Variants in CTNNA2 observed in about 807,000 individuals in gnomAD.
CTNNA2 encodes the protein catenin alpha-2.
A neutral mutation model predicts 101.0 loss-of-function variants in CTNNA2; 42 were observed. The ratio of observed to expected loss-of-function variants is 0.42; its 90% CI spans 0.32 to 0.54. The LOEUF is 0.54. Among genes scored for constraint, CTNNA2 ranks in the 20% least tolerant of loss-of-function variants. The pLI, the probability that CTNNA2 is intolerant of heterozygous loss-of-function variation, is 0.14. For missense variants in CTNNA2, 871 were observed against 1,223.1 expected, an observed-to-expected ratio of 0.71 and a Z score of 4.29; for synonymous variants, 450 against 456.4, an observed-to-expected ratio of 0.99 and a Z score of 0.18.
At chr2:79,590,934 C>G (rs1047064635) in intron 1 of CTNNA2, among the ~76,000 whole-genome samples, 1 of 151,992 alleles carries the variant, frequency 6.6e-6, no homozygotes, top group Non-Finnish European at 1.5e-5. Flanking sequence ...TCAGTTTTAC[C>G]ATTTTGTTTT....
intron 1 of CTNNA2, among the ~76,000 whole-genome samples, chr2:79,579,828 G>A (rs1218522887): frequency 6.6e-6 from 1 of 152,056 alleles, no homozygotes; most frequent in African/African-American, 2.4e-5. Flanking sequence ...TGGTCAGGCT[G>A]GTCTTAAACT....
intron 4 of CTNNA2, among the ~76,000 whole-genome samples, chr2:79,437,110 T>G (rs1678724778): frequency 6.6e-6 from 1 of 151,914 alleles, no homozygotes; most frequent in South Asian, 2.1e-4. Flanking sequence ...GGTGTGTGCC[T>G]GTAATCCCAG....
At chr2:79,644,832 T>G (rs77078623) in intron 1 of CTNNA2, among the ~76,000 whole-genome samples, 1 of 152,172 alleles carries the variant, frequency 6.6e-6, no homozygotes, top group East Asian at 1.9e-4. Flanking sequence ...CCTCTTTTTT[T>G]CATTTGTGTC....
intron 1 of CTNNA2, among the ~76,000 whole-genome samples, chr2:79,630,476 C>A (rs183962572): frequency 1.3e-5 from 2 of 151,934 alleles, no homozygotes; most frequent in African/African-American, 4.8e-5. Context: ...ATCTGATTTA[C>A]GTAAAAGAGA....
At chr2:79,923,834 A>G (rs1471556161) in intron 7 of CTNNA2, among the ~76,000 whole-genome samples, 1 of 152,048 alleles carries the variant, frequency 6.6e-6, no homozygotes, top group African/African-American at 2.4e-5. Context: ...TAAAATTGAG[A>G]TTGTATAGTA....
At chr2:79,537,894 T>C (rs1673169639) in intron 1 of CTNNA2, among the ~76,000 whole-genome samples, 1 of 152,136 alleles carries the variant, frequency 6.6e-6, no homozygotes, top group Admixed American at 6.5e-5. Context: ...TTTATAATTT[T>C]ATACCCCAAG....
At chr2:79,996,517 A>G (rs1692556728) in intron 7 of CTNNA2, among the ~76,000 whole-genome samples, 1 of 152,198 alleles carries the variant, frequency 6.6e-6, no homozygotes, top group Admixed American at 6.5e-5. Context: ...GAAATGTCAA[A>G]TCAAATGGAC....
At chr2:80,578,146 A>T (rs1326208782) in intron 13 of CTNNA2, among the ~76,000 whole-genome samples, 2 of 152,176 alleles carry the variant, frequency 1.3e-5, no homozygotes, top group African/African-American at 2.4e-5. Context: ...AATGGGCACA[A>T]GTTAATCTCA....
intron 9 of CTNNA2, among the ~76,000 whole-genome samples, chr2:80,459,083 TTTA>T (rs1422356515): frequency 6.6e-6 from 1 of 152,122 alleles, no homozygotes; most frequent in Non-Finnish European, 1.5e-5. Context: ...GCTTTACAGG[TTTA>T]TAACCTAGGA....
chr2:80,342,463 G>A (rs181804027), intron 7 of CTNNA2, among the ~76,000 whole-genome samples: 6 of 152,172 alleles, frequency 3.9e-5, no homozygotes, highest in Non-Finnish European at 7.3e-5. Flanking sequence ...TGACAGTGTC[G>A]TCAGATTGGC....
At chr2:79,290,734 C>A (rs191404609) in intron 2 of CTNNA2, among the ~76,000 whole-genome samples, 1 of 152,262 alleles carries the variant, frequency 6.6e-6, no homozygotes, top group East Asian at 1.9e-4. Context: ...AAACCATCTT[C>A]CCACTCCATC....
rs189838401 is a variant in CTNNA2 at position 79,901,231 on chromosome 2, T to C, written c.853-8363T>C. Among the ~76,000 whole-genome samples, 467 of 151,904 alleles carry C rather than the reference T, an allele frequency of 3.1e-3. 2 individuals are homozygous for C. Among genetic ancestry groups the C allele is most frequent in the African/African-American group, 0.011 (438 of 41,486 alleles). The stretch of plus-strand genomic sequence containing the variant: ...CTTTCAGTTTTTTTTTTTTTTAAGA[T>C]TTAAAAGATAAAAGTGAATGACTGC... On this transcript the variant is annotated intron_variant, in intron 6 of 18. Transcript: ENST00000402739.
At chr2:80,221,910 G>T (rs1708598574) in intron 7 of CTNNA2, among the ~76,000 whole-genome samples, 1 of 152,164 alleles carries the variant, frequency 6.6e-6, no homozygotes, top group African/African-American at 2.4e-5. Flanking sequence ...GCCTCCAGTT[G>T]TATGGCTTTA....
intron 6 of CTNNA2, among the ~76,000 whole-genome samples, chr2:79,896,000 A>C (rs1684689319): frequency 1.3e-5 from 2 of 152,244 alleles, no homozygotes; most frequent in Admixed American, 6.5e-5. Flanking sequence ...AAGTAGAATT[A>C]GGCTGAGTGT....
At chr2:80,515,938 G>A (rs1042945178) in intron 9 of CTNNA2, among the ~76,000 whole-genome samples, 1 of 152,172 alleles carries the variant, frequency 6.6e-6, no homozygotes, top group Non-Finnish European at 1.5e-5. Flanking sequence ...AGTTTTGATG[G>A]TTTTTGCTAA....
At chr2:80,532,364 A>G (rs552379622) in intron 9 of CTNNA2, among the ~76,000 whole-genome samples, 2 of 152,184 alleles carry the variant, frequency 1.3e-5, no homozygotes, top group South Asian at 4.2e-4. Context: ...CTGAATGTCA[A>G]TCCTCCTTTG....
chr2:79,456,940 G>T (rs931593087), intron 4 of CTNNA2, among the ~76,000 whole-genome samples: 1 of 152,130 alleles, frequency 6.6e-6, no homozygotes, highest in Admixed American at 6.6e-5. Flanking sequence ...GGTGGCTCAC[G>T]CCTGTAATCC....
At chr2:80,563,537 G>T (rs1212471201) in intron 12 of CTNNA2, among the ~76,000 whole-genome samples, 8 of 152,122 alleles carry the variant, frequency 5.3e-5, no homozygotes, top group Admixed American at 5.2e-4. Flanking sequence ...TGACCTCCTT[G>T]CCAAATTTTA....
intron 7 of CTNNA2, among the ~76,000 whole-genome samples, chr2:80,277,856 C>T (rs960454378): frequency 1.3e-5 from 2 of 152,146 alleles, no homozygotes; most frequent in African/African-American, 4.8e-5. Context: ...CCCTGTTCTG[C>T]CCTTCATGAA....
Sources: gnomAD v4.1 joint callset for allele counts (sites outside exome capture counted in the v4.1 genomes callset) on GRCh38, gnomAD v4.1.1 for gene constraint, MANE v1.5 for transcripts, NCBI Gene and HGNC (gene_info 2026-07-23, HGNC 2026-07-21) for gene names.